Variants in CELF2 observed in about 807,000 individuals in gnomAD.
CELF2 encodes CUG triplet repeat RNA-binding protein 2.
Under a neutral mutation model 62.6 loss-of-function variants are expected in CELF2, and 8 were observed. The observed-to-expected ratio is 0.13, with a 90% CI of 0.07 to 0.23. The LOEUF (loss-of-function observed/expected upper bound fraction) is 0.23, where lower values mean the gene tolerates loss of function less well. Ranked by LOEUF, CELF2 falls within the 10% of genes least tolerant of loss-of-function variation. The probability of loss-of-function intolerance (pLI) is 1.00; values close to 1 mark genes in which losing one functional copy is unlikely to be tolerated. For missense variants in CELF2, 333 were observed against 671.0 expected (o/e 0.50, Z 5.56); for synonymous variants, 258 against 250.0 (o/e 1.03, Z -0.30).
At chr10:10,622,477 T>A in the CELF2 span, among the ~76,000 whole-genome samples, 1 of 151,800 alleles carries the variant, frequency 6.6e-6, no homozygotes, top group African/African-American at 2.4e-5. Flanking sequence ...TGTGTGTGTG[T>A]GTATATATAT....
chr10:10,807,743 C>T (rs187681512), intron 1 of CELF2, among the ~76,000 whole-genome samples: 4 of 152,234 alleles, frequency 2.6e-5, no homozygotes, highest in Non-Finnish European at 5.9e-5. Context: ...AGCCATAAAA[C>T]ATAATAATCA....
intron 1 of CELF2, among the ~76,000 whole-genome samples, chr10:10,895,455 A>T (rs988919460): frequency 6.6e-6 from 1 of 152,184 alleles, no homozygotes; most frequent in African/African-American, 2.4e-5. Flanking sequence ...TCATAGCAAA[A>T]TGAAAGCAGA....
At chr10:10,824,749 G>A (rs544709204) in intron 1 of CELF2, among the ~76,000 whole-genome samples, 1 of 152,324 alleles carries the variant, frequency 6.6e-6, no homozygotes, top group East Asian at 1.9e-4. Context: ...GCTCAGATAT[G>A]CGCTTGCACA....
intron 1 of CELF2, among the ~76,000 whole-genome samples, chr10:11,120,743 C>T (rs1339353243): frequency 6.6e-6 from 1 of 152,204 alleles, no homozygotes; most frequent in Non-Finnish European, 1.5e-5. Context: ...CCAGCCCTTG[C>T]AACCCATCCA....
intron 1 of CELF2, among the ~76,000 whole-genome samples, chr10:10,848,284 A>T (rs1264751281): frequency 6.6e-6 from 1 of 152,164 alleles, no homozygotes; most frequent in Non-Finnish European, 1.5e-5. Context: ...TAGGGAGTAG[A>T]GCTATTTTAC....
chr10:11,301,955 G>A (rs1160046587), intron 9 of CELF2, among the ~76,000 whole-genome samples: 2 of 152,132 alleles, frequency 1.3e-5, no homozygotes, highest in Non-Finnish European at 2.9e-5. Flanking sequence ...CAGGTCAGCC[G>A]CCTCCGCCTT....
intron 1 of CELF2, among the ~76,000 whole-genome samples, chr10:11,067,491 G>A (rs753299922): frequency 6.6e-6 from 1 of 152,184 alleles, no homozygotes; most frequent in South Asian, 2.1e-4. Context: ...ACGCTTCTAA[G>A]TGCCTGTGTG....
At chr10:10,912,091 A>G (rs2063862081) in intron 1 of CELF2, among the ~76,000 whole-genome samples, 1 of 152,190 alleles carries the variant, frequency 6.6e-6, no homozygotes, top group Non-Finnish European at 1.5e-5. Context: ...GTAAATCTTG[A>G]GGAGAAGAAA....
chr10:10,608,747 G>T, the CELF2 span, among the ~76,000 whole-genome samples: 1 of 152,106 alleles, frequency 6.6e-6, no homozygotes, highest in African/African-American at 2.4e-5. Flanking sequence ...ATGCTATTCA[G>T]GAGTCTAAGG....
At chr10:11,202,911 C>A (rs1027726280) in intron 2 of CELF2, among the ~76,000 whole-genome samples, 1 of 59,600 alleles carries the variant, frequency 1.7e-5, no homozygotes, top group Non-Finnish European at 3.6e-5. Flanking sequence ...ATCTCTCTCT[C>A]TCTCTCTCTC....
chr10:10,973,271 ACT>A (rs1479171473), intron 2 of CELF2, among the ~76,000 whole-genome samples: 2 of 147,376 alleles, frequency 1.4e-5, no homozygotes, highest in Non-Finnish European at 2.9e-5. Context: ...ACAGAGGGAG[ACT>A]CTGTCTCAAA....
At chr10:10,793,076 C>T in the CELF2 span, among the ~76,000 whole-genome samples, 1 of 152,214 alleles carries the variant, frequency 6.6e-6, no homozygotes, top group Non-Finnish European at 1.5e-5. Context: ...AAATAATGCA[C>T]TGGGTCTTTT....
chr10:11,257,687 A>C, intron 4 of CELF2, 51 bp from the exon 5 acceptor site: 1 of 1,599,578 alleles, frequency 6.3e-7, no homozygotes, highest in East Asian at 2.2e-5. Context: ...CATTGATTAC[A>C]AGAAAAAAAG....
chr10:10,840,083 T>C (rs1055673166), intron 1 of CELF2, among the ~76,000 whole-genome samples: 2 of 152,236 alleles, frequency 1.3e-5, no homozygotes, highest in East Asian at 1.9e-4. Context: ...CTGGATGTAC[T>C]AGTTTGTTGG....
intron 8 of CELF2, among the ~76,000 whole-genome samples, chr10:11,278,278 T>C (rs2086881580): frequency 6.6e-6 from 1 of 152,256 alleles, no homozygotes; most frequent in South Asian, 2.1e-4. Context: ...AGAACCTTTA[T>C]GAAATATGGA....
intron 1 of CELF2, among the ~76,000 whole-genome samples, chr10:10,811,710 C>T (rs2055912742): frequency 6.6e-6 from 1 of 152,124 alleles, no homozygotes; most frequent in African/African-American, 2.4e-5. Flanking sequence ...ATCCTGGAGC[C>T]TTCTGAGGCA....
chr10:11,088,441 C>T (rs1389305979), intron 1 of CELF2, among the ~76,000 whole-genome samples: 5 of 152,026 alleles, frequency 3.3e-5, no homozygotes, highest in Admixed American at 6.5e-5. Context: ...GGACATTGTT[C>T]CCTAGACATT....
chr10:10,986,627 T>C lies in CELF2; in HGVS notation c.89+66628T>C, dbSNP rs539657420. On this transcript the variant is annotated intron_variant, in intron 2 of 13. Coordinates refer to the CELF2 transcript ENST00000636488. ...TTACATTGGAATACAGTTCCATTCA[T>C]GTGACAGCTGCTTAGTGATGTTTTG... is the stretch of plus-strand genomic sequence containing the variant. 5.9e-5 allele frequency among the ~76,000 whole-genome samples: 9 copies of C among 152,354 alleles called. No individual in the cohort carries two copies. In the South Asian group the frequency reaches 1.9e-3, roughly 32 times the overall value.
chr10:10,577,208 G>A, the CELF2 span, among the ~76,000 whole-genome samples: 6 of 152,124 alleles, frequency 3.9e-5, no homozygotes, highest in Non-Finnish European at 7.3e-5. Flanking sequence ...GACAAGAGCT[G>A]TTGACAGAGC....
Sources: gnomAD v4.1 joint callset for allele counts (sites outside exome capture counted in the v4.1 genomes callset) on GRCh38, gnomAD v4.1.1 for gene constraint, MANE v1.5 for transcripts, NCBI Gene and HGNC (gene_info 2026-07-23, HGNC 2026-07-21) for gene names.